Variants in KSR2 observed in about 807,000 individuals in gnomAD.
KSR2 encodes kinase suppressor of ras 2.
Under a neutral mutation model 107.8 loss-of-function variants are expected in KSR2, and 25 were observed. The ratio of observed to expected loss-of-function variants is 0.23; its 90% CI spans 0.17 to 0.32. KSR2 has a LOEUF of 0.32. Among genes scored for constraint, KSR2 ranks in the 10% least tolerant of loss-of-function variants. KSR2 has a pLI of 1.00. For missense variants in KSR2, 887 were observed against 1,268.9 expected (o/e 0.70, Z 4.57); for synonymous variants, 480 against 507.0 (o/e 0.95, Z 0.71).
At chr12:117,582,156 G>A in intron 6 of KSR2, 134 bp downstream of exon 6, 1 of 684,472 alleles carries the variant, frequency 1.5e-6, no homozygotes, top group South Asian at 1.9e-5. Context: ...GCCGAGCAGA[G>A]GAGAAAGGGA....
At chr12:117,964,466 A>G (rs914053439) in intron 1 of KSR2, among the ~76,000 whole-genome samples, 2 of 152,202 alleles carry the variant, frequency 1.3e-5, no homozygotes, top group African/African-American at 4.8e-5. Flanking sequence ...CATTTGTTGA[A>G]AGAATTAAAA....
intron 5 of KSR2, among the ~76,000 whole-genome samples, chr12:117,632,140 TCAA>T (rs1882835755): frequency 6.6e-6 from 1 of 151,686 alleles, no homozygotes; most frequent in Admixed American, 6.6e-5. Context: ...ACTACATTAT[TCAA>T]CAACTTCATT....
intron 3 of KSR2, among the ~76,000 whole-genome samples, chr12:117,793,607 G>A (rs1448434241): frequency 1.5e-5 from 2 of 131,376 alleles, no homozygotes; most frequent in Non-Finnish European, 3.2e-5. Flanking sequence ...ACACCAACAT[G>A]CACACTCACA....
At position 117,453,288 on chromosome 12, in the gene KSR2, A is replaced by G. The variant is rs554014585; in HGVS notation, c.*13911T>C. ...TTTCTTTCCTGGATGGCATCTGAATAGAGTGTTCCTTCTCAGCAACAAGAC... is the reference window on the plus strand; with the variant it reads ...TTTCTTTCCTGGATGGCATCTGAATGGAGTGTTCCTTCTCAGCAACAAGAC... On this transcript the variant is annotated 3_prime_UTR_variant, in exon 20 of 20. Transcript: ENST00000339824. 1.3e-5 allele frequency: 2 copies of G among 152,654 alleles called. No homozygotes were observed. The highest frequency in any genetic ancestry group is 4.1e-4 in the South Asian group (2 of 4,824). The allele number at this position is 152,654 out of a possible 1,614,324, so 9.5% of individuals were successfully genotyped here. A position where few individuals can be genotyped will look rare whatever the true frequency, so the allele number is the denominator to read the frequency against.
chr12:117,674,565 G>A (rs555571784), intron 4 of KSR2, among the ~76,000 whole-genome samples: 1 of 152,190 alleles, frequency 6.6e-6, no homozygotes, highest in South Asian at 2.1e-4. Flanking sequence ...CTATGGATTT[G>A]CCTATTCTGG....
chr12:117,675,695 G>C (rs989266426), intron 4 of KSR2, among the ~76,000 whole-genome samples: 2 of 152,208 alleles, frequency 1.3e-5, no homozygotes, highest in Non-Finnish European at 2.9e-5. Flanking sequence ...CATGGCCTCA[G>C]CCTCCTCGAG....
chr12:117,527,122 G>A lies in KSR2; in HGVS notation c.1803-3C>T, dbSNP rs750128668. ...GAAGTAATGGATTTCCTTCCAAGCT[G>A]TAAAGAAAGAAAAATAAACGTGATC... On this transcript the variant is annotated splice_polypyrimidine_tract_variant and splice_region_variant and intron_variant, in intron 12 of 19. Coordinates refer to ENST00000339824, the MANE Select transcript of KSR2 (RefSeq NM_173598.6). 15 of 1,611,506 alleles carry A rather than the reference G, an allele frequency of 9.3e-6. No homozygotes were observed. The highest frequency in any genetic ancestry group is 1.6e-4 in the Middle Eastern group (1 of 6,080).
At chr12:117,518,752 CCAATCTCA>C (rs1467618862) in intron 14 of KSR2, among the ~76,000 whole-genome samples, 2 of 152,222 alleles carry the variant, frequency 1.3e-5, no homozygotes, top group Non-Finnish European at 2.9e-5. Flanking sequence ...CTCAAACGTA[CCAATCTCA>C]TACCTACCCC....
chr12:117,749,886 A>G (rs2052224633), intron 4 of KSR2, among the ~76,000 whole-genome samples: 1 of 152,148 alleles, frequency 6.6e-6, no homozygotes, highest in Non-Finnish European at 1.5e-5. Context: ...CTCCAGAGCT[A>G]AGGAAGAGGG....
At chr12:117,929,614 TGTCA>T (rs1457214525) in intron 1 of KSR2, among the ~76,000 whole-genome samples, 3 of 152,234 alleles carry the variant, frequency 2.0e-5, no homozygotes, top group Non-Finnish European at 4.4e-5. Flanking sequence ...CACAAGTGTC[TGTCA>T]GTAGACGAAT....
intron 5 of KSR2, among the ~76,000 whole-genome samples, chr12:117,605,991 ACC>A: frequency 6.6e-6 from 1 of 152,252 alleles, no homozygotes. Flanking sequence ...AAACAATGGG[ACC>A]AGAGAGAGGA....
At chr12:117,551,710 A>C (rs1253531098) in intron 9 of KSR2, among the ~76,000 whole-genome samples, 1 of 152,210 alleles carries the variant, frequency 6.6e-6, no homozygotes. Context: ...TAACCACATC[A>C]TTGCCTGACA....
chr12:117,923,041 T>C (rs1357011745), intron 1 of KSR2, among the ~76,000 whole-genome samples: 3 of 152,168 alleles, frequency 2.0e-5, no homozygotes, highest in Non-Finnish European at 4.4e-5. Flanking sequence ...TTTTGGTGAC[T>C]TCACTATTTA....
intron 1 of KSR2, among the ~76,000 whole-genome samples, chr12:117,929,302 T>C (rs764122522): frequency 1.3e-5 from 2 of 152,212 alleles, no homozygotes; most frequent in Non-Finnish European, 2.9e-5. Flanking sequence ...TGGGAGATAA[T>C]TGAATCATGG....
At chr12:117,541,822 A>T (rs1303357169) in intron 9 of KSR2, among the ~76,000 whole-genome samples, 1 of 152,196 alleles carries the variant, frequency 6.6e-6, no homozygotes, top group African/African-American at 2.4e-5. Context: ...CACTGCCACT[A>T]GATCCACACT....
Position 117,628,184 on chromosome 12 carries a change from G to A in KSR2, c.1171+39290C>T, listed in dbSNP as rs533174493. On this transcript the variant is annotated intron_variant, in intron 5 of 19. Coordinates refer to ENST00000339824, the MANE Select transcript of KSR2 (RefSeq NM_173598.6). ...GCTCAGAGTTTATTACTGACCTTCTGAAGCCTACTTCTGTTAACTCGTCAA... is the reference window on the plus strand; with the variant it reads ...GCTCAGAGTTTATTACTGACCTTCTAAAGCCTACTTCTGTTAACTCGTCAA... 5.2e-4 allele frequency among the ~76,000 whole-genome samples: 79 copies of A among 152,178 alleles called. 2 individuals carry two copies. The South Asian group carries it at 0.016, about 31-fold the overall frequency.
intron 4 of KSR2, chr12:117,677,394 A>G (rs979226289): frequency 3.3e-5 from 5 of 152,246 alleles, no homozygotes; most frequent in Non-Finnish European, 5.9e-5. Context: ...CCAGGGATGT[A>G]TAGAAGCCGC....
Position 117,549,380 on chromosome 12 carries a change from GA to G in KSR2, c.1518+5788del, listed in dbSNP as rs199506327. 3.5e-3 allele frequency among the ~76,000 whole-genome samples: 537 copies of G among 152,130 alleles called. 2 individuals carry two copies. The highest frequency in any genetic ancestry group is 0.012 in the African/African-American group (515 of 41,484). Reference sequence around the variant, plus strand: ...CAAGCCTTGCTCTTTGAACTTGCTGGAAAATTTCAAGAAGTTTCCATAGATG... The same window carrying G: ...CAAGCCTTGCTCTTTGAACTTGCTGGAAATTTCAAGAAGTTTCCATAGATG... On this transcript the variant is annotated intron_variant, in intron 9 of 19. Coordinates refer to ENST00000339824, the MANE Select transcript of KSR2 (RefSeq NM_173598.6).
chr12:117,822,998 C>T (rs1331684916), intron 3 of KSR2, among the ~76,000 whole-genome samples: 1 of 151,942 alleles, frequency 6.6e-6, no homozygotes, highest in Non-Finnish European at 1.5e-5. Context: ...AAGAAAAATA[C>T]ATTTAAGCCA....
Sources: allele counts gnomAD v4.1 joint callset (sites outside exome capture counted in the v4.1 genomes callset), GRCh38; gene constraint gnomAD v4.1.1; transcripts MANE v1.5; gene names NCBI Gene and HGNC (gene_info 2026-07-23, HGNC 2026-07-21).